Variants in PPP1R12A observed in about 807,000 individuals in gnomAD.
The protein encoded by PPP1R12A is protein phosphatase 1 regulatory subunit 12A.
Under a neutral mutation model 139.6 loss-of-function variants are expected in PPP1R12A, and 19 were observed. The observed-to-expected ratio is 0.14, with a 90% CI of 0.09 to 0.20. The LOEUF is 0.20. PPP1R12A is among the 10% of genes least tolerant of loss of function. The pLI is 1.00. For synonymous variants in PPP1R12A, 427 were observed against 420.6 expected, an observed-to-expected ratio of 1.02 and a Z score of -0.19; for missense variants, 925 against 1,211.5, an observed-to-expected ratio of 0.76 and a Z score of 3.51.
intron 9 of PPP1R12A, among the ~76,000 whole-genome samples, chr12:79,815,145 G>C (rs1044213611): frequency 6.6e-6 from 1 of 152,108 alleles, no homozygotes; most frequent in Non-Finnish European, 1.5e-5. Context: ...CATAAATGTT[G>C]GCTATATGTG....
rs1333217158 is a variant in PPP1R12A, at chr12:79,828,279, T to G, written c.792+41A>C. 2.0e-6 allele frequency: 3 copies of G among 1,533,568 alleles called. No homozygotes were observed. The South Asian group carries it at 3.7e-5, about 19-fold the overall frequency. The allele number at this position is 1,533,568 out of a possible 1,614,324, so 95.0% of individuals were successfully genotyped here. ...CTAAATATACTTTCTAAAACTATAT[T>G]TCTAAAAGTTAAAGTATTAAAATAC... On this transcript the variant is annotated intron_variant, in intron 5 of 24. Coordinates refer to ENST00000450142, the MANE Select transcript of PPP1R12A (RefSeq NM_002480.3).
intron 1 of PPP1R12A, among the ~76,000 whole-genome samples, chr12:79,887,179 G>A (rs1346337291): frequency 6.6e-6 from 1 of 152,116 alleles, no homozygotes; most frequent in Non-Finnish European, 1.5e-5. Flanking sequence ...TACATATGTA[G>A]TGAACCAAAA....
chr12:79,847,742 A>C (rs1879573611), intron 2 of PPP1R12A, among the ~76,000 whole-genome samples: 1 of 152,150 alleles, frequency 6.6e-6, no homozygotes, highest in African/African-American at 2.4e-5. Context: ...TCTAGGATTA[A>C]TAGGAAAAAT....
Position 79,806,350 on chromosome 12 carries a change from T to G in PPP1R12A, c.1656-17A>C, listed in dbSNP as rs1334393407. The G allele has an allele frequency of 6.2e-7, 1 of 1,604,478 alleles. No homozygotes were observed. The highest frequency in any genetic ancestry group is 1.7e-5 in the Admixed American group (1 of 59,870). ...AAGGAGCAACTAAACAAAAGAGTCA[T>G]ATCTATATAGGATGTGTTTGTATGT... On this transcript the variant is annotated splice_polypyrimidine_tract_variant and intron_variant, in intron 12 of 24. Coordinates refer to ENST00000450142, the MANE Select transcript of PPP1R12A (RefSeq NM_002480.3).
intron 3 of PPP1R12A, among the ~76,000 whole-genome samples, chr12:79,841,263 G>A (rs1447811236): frequency 2.0e-5 from 3 of 151,966 alleles, no homozygotes; most frequent in African/African-American, 4.8e-5. Context: ...TTGATACCCC[G>A]CCTTTTCTGT....
At chr12:79,779,826 A>C (rs564520078) in intron 23 of PPP1R12A, 2 of 162,150 alleles carry the variant, frequency 1.2e-5, no homozygotes, top group East Asian at 3.3e-4. Context: ...ACTACACCCA[A>C]CTGCCTGATT....
chr12:79,875,582 GT>G (rs1883020964), intron 1 of PPP1R12A, among the ~76,000 whole-genome samples: 1 of 152,122 alleles, frequency 6.6e-6, no homozygotes, highest in Non-Finnish European at 1.5e-5. Context: ...TACTCTAAAA[GT>G]GTTTCTAATA....
rs1410365892 is a variant in PPP1R12A, at chr12:79,808,590, G to GA, written c.1456-14dup. The GA allele has an allele frequency of 5.9e-6, 9 of 1,522,048 alleles. No homozygotes were observed. Among genetic ancestry groups the GA allele is most frequent in the South Asian group, 2.4e-5 (2 of 84,686 alleles). 94.3% of individuals were successfully genotyped at this position (1,522,048 alleles called of 1,614,324 possible). On this transcript the variant is annotated splice_polypyrimidine_tract_variant and intron_variant, in intron 10 of 24. Transcript: ENST00000450142. ...TACTATCTTTCTCCTACACAACAGG[G>GA]AAAAAAATAAGTAAAAATTAATTTG...
chr12:79,925,091 T>G (rs922297632), intron 1 of PPP1R12A, among the ~76,000 whole-genome samples: 1 of 152,120 alleles, frequency 6.6e-6, no homozygotes, highest in East Asian at 1.9e-4. Context: ...GAGGATATTT[T>G]AAAAAAATGT....
intron 1 of PPP1R12A, among the ~76,000 whole-genome samples, chr12:79,877,841 T>C (rs1565793023): frequency 6.6e-6 from 1 of 152,152 alleles, no homozygotes; most frequent in Non-Finnish European, 1.5e-5. Context: ...CTGTTCACCT[T>C]TTTTTCTCAA....
chr12:79,929,370 A>C (rs914251750), intron 1 of PPP1R12A, among the ~76,000 whole-genome samples: 3 of 152,248 alleles, frequency 2.0e-5, no homozygotes, highest in East Asian at 1.9e-4. Context: ...AGACTCTTAC[A>C]AAGTGAGTAA....
chr12:79,853,834 C>T (rs1880324936), intron 2 of PPP1R12A, among the ~76,000 whole-genome samples: 1 of 152,228 alleles, frequency 6.6e-6, no homozygotes, highest in Non-Finnish European at 1.5e-5. Context: ...CTAAGATGCA[C>T]ATTTCCTACA....
intron 1 of PPP1R12A, among the ~76,000 whole-genome samples, chr12:79,926,043 G>A (rs187454292): frequency 9.9e-5 from 15 of 152,232 alleles, no homozygotes; most frequent in Admixed American, 9.2e-4. Context: ...TTACAGGTGT[G>A]AGCCACTGCA....
intron 5 of PPP1R12A, among the ~76,000 whole-genome samples, chr12:79,827,435 C>A (rs1228562534): frequency 6.6e-6 from 1 of 151,896 alleles, no homozygotes; most frequent in Non-Finnish European, 1.5e-5. Flanking sequence ...GCTACATAAC[C>A]TATGATATTA....
intron 15 of PPP1R12A, among the ~76,000 whole-genome samples, chr12:79,797,986 G>A (rs1872678811): frequency 6.6e-6 from 1 of 152,122 alleles, no homozygotes; most frequent in Non-Finnish European, 1.5e-5. Flanking sequence ...AGCATAATCA[G>A]AATGGCAAAA....
intron 10 of PPP1R12A, 69 bp from the exon 11 acceptor site, chr12:79,808,646 T>A: frequency 2.5e-6 from 2 of 811,674 alleles, no homozygotes; most frequent in South Asian, 1.7e-5. Flanking sequence ...CTAAAAGTAT[T>A]AAGAAAAGGT....
At position 79,872,830 on chromosome 12, in the gene PPP1R12A, A is replaced by C; in HGVS notation, c.346T>G (p.Cys116Gly). ...GWIPLHAAAS[C>G]GYLDIAEFLI... ...TACTCTGCAATATCAAGATATCCAC[A>C]GGAAGCTGCTGCATGTAGTGGTATC... Residue 116 changes from cysteine (C) to glycine (G), a missense_variant, in exon 2 of 25, where the codon TGT becomes GGT. Cys to Gly is a radical substitution (Grantham distance 159, BLOSUM62 -3). Transcript: ENST00000450142. 1 of 1,613,616 alleles carries C rather than the reference A, an allele frequency of 6.2e-7. No individual in the cohort carries two copies.
intron 1 of PPP1R12A, among the ~76,000 whole-genome samples, chr12:79,925,444 T>A (rs1460132310): frequency 2.0e-5 from 3 of 152,190 alleles, no homozygotes; most frequent in African/African-American, 7.2e-5. Context: ...CATGTTAAAC[T>A]AAGAAAATAG....
chr12:79,886,010 C>A (rs940133621), intron 1 of PPP1R12A, among the ~76,000 whole-genome samples: 30 of 152,160 alleles, frequency 2.0e-4, no homozygotes, highest in Admixed American at 1.7e-3. Context: ...AGAAACAATT[C>A]TTTATGACTC....
Sources: allele counts gnomAD v4.1 joint callset (sites outside exome capture counted in the v4.1 genomes callset), GRCh38; gene constraint gnomAD v4.1.1; transcripts MANE v1.5; gene names NCBI Gene and HGNC (gene_info 2026-07-23, HGNC 2026-07-21).